The following SLC4A4 variants were observed in gnomAD, a reference collection of about 807,000 sequenced individuals.
SLC4A4 encodes solute carrier family 4 member 4.
SLC4A4 carries 27 observed loss-of-function variants against 111.5 expected under a neutral mutation model. The ratio of observed to expected loss-of-function variants is 0.24; its 90% CI spans 0.18 to 0.33. SLC4A4 has a LOEUF of 0.33. SLC4A4 is among the 10% of genes least tolerant of loss of function. SLC4A4 has a pLI of 1.00. For missense variants in SLC4A4, 909 were observed against 1,315.5 expected, an observed-to-expected ratio of 0.69 and a Z score of 4.78; for synonymous variants, 443 against 463.4, an observed-to-expected ratio of 0.96 and a Z score of 0.57.
chr4:71,544,405 G>C (rs1203851132), intron 18 of SLC4A4, among the ~76,000 whole-genome samples: 1 of 151,948 alleles, frequency 6.6e-6, no homozygotes, highest in Non-Finnish European at 1.5e-5. Context: ...GTTGAAAGTG[G>C]TGGTGGCACA....
At chr4:71,239,997 C>A (rs1184717938) in intron 2 of SLC4A4, among the ~76,000 whole-genome samples, 1 of 152,168 alleles carries the variant, frequency 6.6e-6, no homozygotes, top group African/African-American at 2.4e-5. Context: ...ATTAACATTA[C>A]CAGAATGATC....
intron 6 of SLC4A4, among the ~76,000 whole-genome samples, chr4:71,381,748 G>T (rs13111235): frequency 0.027 from 4,152 of 152,110 alleles, 98 homozygotes; most frequent in Non-Finnish European, 0.042. Context: ...GACACGTCTC[G>T]CTGTGTCACC....
At chr4:71,127,868 A>G (rs1471170019) in intron 2 of SLC4A4, among the ~76,000 whole-genome samples, 1 of 152,204 alleles carries the variant, frequency 6.6e-6, no homozygotes, top group African/African-American at 2.4e-5. Flanking sequence ...TCACACCTGT[A>G]ATTCCAGCAC....
At chr4:71,434,365 C>G (rs572689230) in intron 7 of SLC4A4, 24 of 169,824 alleles carry the variant, frequency 1.4e-4, no homozygotes, top group Non-Finnish European at 2.2e-4. Flanking sequence ...TACCAAAAAA[C>G]AACAAAAAAA....
At chr4:71,408,657 C>A (rs955450244) in intron 7 of SLC4A4, among the ~76,000 whole-genome samples, 1 of 152,142 alleles carries the variant, frequency 6.6e-6, no homozygotes, top group African/African-American at 2.4e-5. Context: ...ACTCTTGTAC[C>A]CAAATTTCTC....
chr4:71,513,694 T>C (rs1479906176), intron 16 of SLC4A4, among the ~76,000 whole-genome samples: 2 of 152,238 alleles, frequency 1.3e-5, no homozygotes, highest in Admixed American at 1.3e-4. Context: ...TGGATATCCT[T>C]GTCTTCTTCC....
intron 6 of SLC4A4, among the ~76,000 whole-genome samples, chr4:71,394,436 A>G (rs1165019201): frequency 2.0e-5 from 3 of 152,150 alleles, no homozygotes; most frequent in Non-Finnish European, 4.4e-5. Flanking sequence ...AAATGCAAAT[A>G]AAAGCCACAA....
intron 2 of SLC4A4, among the ~76,000 whole-genome samples, chr4:71,105,304 C>T (rs1241873169): frequency 2.0e-5 from 3 of 150,144 alleles, no homozygotes; most frequent in East Asian, 4.0e-4. Flanking sequence ...ATTCTATGCT[C>T]ATGGGTAGGA....
At chr4:71,303,767 CCCCTCCCTCCCTTTTTTCCTTTTTT>C (rs1725457968) in intron 3 of SLC4A4, among the ~76,000 whole-genome samples, 1 of 151,802 alleles carries the variant, frequency 6.6e-6, no homozygotes, top group Non-Finnish European at 1.5e-5. Flanking sequence ...CTTTCTTCTT[CCCCTCCCTCCCTTTTTTCCTTTTTT>C]CCCTCCCTTC....
chr4:71,208,282 T>A (rs1364335816), intron 1 of SLC4A4, among the ~76,000 whole-genome samples: 1 of 151,740 alleles, frequency 6.6e-6, no homozygotes, highest in African/African-American at 2.4e-5. Context: ...TACAAAAAAA[T>A]TTGCCGGGTG....
intron 1 of SLC4A4, among the ~76,000 whole-genome samples, chr4:71,195,858 C>A (rs1445807402): frequency 6.6e-6 from 1 of 152,210 alleles, no homozygotes; most frequent in East Asian, 1.9e-4. Context: ...ATTTCTTGTG[C>A]CCTTCAGCAT....
intron 2 of SLC4A4, among the ~76,000 whole-genome samples, chr4:71,130,550 A>G (rs918980866): frequency 2.0e-5 from 3 of 152,146 alleles, no homozygotes; most frequent in African/African-American, 7.2e-5. Context: ...ATTTTGTTAA[A>G]TGAATGTCAC....
intron 1 of SLC4A4, among the ~76,000 whole-genome samples, chr4:71,083,098 C>G (rs1160209282): frequency 6.6e-6 from 1 of 151,960 alleles, no homozygotes; most frequent in Non-Finnish European, 1.5e-5. Context: ...GGTGATCCAC[C>G]TGCCTCGGCC....
chr4:71,501,756 G>T (rs1323862401), intron 16 of SLC4A4, among the ~76,000 whole-genome samples: 1 of 151,860 alleles, frequency 6.6e-6, no homozygotes. Flanking sequence ...CTGCCTCCCT[G>T]GTTCAAGCGA....
chr4:71,301,551 G>A (rs559041283), intron 3 of SLC4A4, among the ~76,000 whole-genome samples: 1 of 152,338 alleles, frequency 6.6e-6, no homozygotes, highest in South Asian at 2.1e-4. Context: ...CCAGATAGTA[G>A]TGTCTCTACC....
chr4:71,458,120 C>T (rs1037505360), intron 12 of SLC4A4, among the ~76,000 whole-genome samples: 1 of 152,026 alleles, frequency 6.6e-6, no homozygotes, highest in African/African-American at 2.4e-5. Flanking sequence ...AACAAGTATA[C>T]TGCTTAATTC....
chr4:71,563,824 G>A lies in SLC4A4; in HGVS notation c.3131G>A (p.Ser1044Asn). 2 of 1,611,344 alleles carry A rather than the reference G, an allele frequency of 1.2e-6. No individual in the cohort carries two copies. The highest frequency in any genetic ancestry group is 2.2e-5 in the South Asian group (2 of 91,016). The stretch of plus-strand genomic sequence containing the variant: ...TGCCCATACTCAGAAAAAGTTCCAA[G>A]TATTAAAATTCCAATGGACATCATG... The part of the protein sequence containing the change: ...SDCPYSEKVP[S>N]IKIPMDIMEQ... The change falls in exon 24 of 26, where the codon AGT becomes AAT. Residue 1044 changes from serine (S) to asparagine (N), a missense_variant. Ser to Asn is a conservative substitution (Grantham distance 46). Around this residue, in one of 7 missense-constraint regions of SLC4A4, gnomAD observed 85 missense variants for 79.8 expected, o/e 1.07. Transcript: ENST00000264485.
At chr4:71,553,211 A>G (rs1736186448) in intron 20 of SLC4A4, among the ~76,000 whole-genome samples, 1 of 151,908 alleles carries the variant, frequency 6.6e-6, no homozygotes, top group East Asian at 1.9e-4. Context: ...TAACTGTTTA[A>G]AAAACATCTT....
chr4:71,194,648 T>C (rs1745903375), intron 1 of SLC4A4, among the ~76,000 whole-genome samples: 1 of 152,158 alleles, frequency 6.6e-6, no homozygotes, highest in African/African-American at 2.4e-5. Context: ...CCCTTGAAAA[T>C]GATTACACTG....
Sources: allele counts gnomAD v4.1 joint callset (sites outside exome capture counted in the v4.1 genomes callset), GRCh38; gene constraint gnomAD v4.1.1; regional missense constraint gnomAD v4.1.1; transcripts MANE v1.5; gene names NCBI Gene and HGNC (gene_info 2026-07-23, HGNC 2026-07-21).